The following EML4 variants were observed in gnomAD, a reference collection of about 807,000 sequenced individuals.
EML4 encodes EMAP like 4, also known as echinoderm microtubule-associated protein-like 4.
A neutral mutation model predicts 129.0 loss-of-function variants in EML4; 72 were observed. The observed-to-expected ratio is 0.56, with a 90% CI of 0.46 to 0.68. The LOEUF is 0.68. Among genes scored for constraint, EML4 ranks in the 30% least tolerant of loss-of-function variants. The pLI is 0.00. For synonymous variants in EML4, 532 were observed against 405.0 expected (o/e 1.31, Z -3.77); for missense variants, 1,363 against 1,190.6 (o/e 1.14, Z -2.13).
At chr2:42,251,404 A>G (rs973402953) in intron 2 of EML4, among the ~76,000 whole-genome samples, 1 of 152,250 alleles carries the variant, frequency 6.6e-6, no homozygotes, top group Non-Finnish European at 1.5e-5. Context: ...ATTACTGTTT[A>G]CAGAGTGCCA....
At chr2:42,182,060 C>T (rs968337455) in intron 1 of EML4, among the ~76,000 whole-genome samples, 1 of 150,204 alleles carries the variant, frequency 6.7e-6, no homozygotes, top group African/African-American at 2.4e-5. Context: ...TTCCATTATG[C>T]TTAATGTATT....
chr2:42,272,419 C>T (rs1317599869), intron 6 of EML4, among the ~76,000 whole-genome samples: 1 of 152,060 alleles, frequency 6.6e-6, no homozygotes, highest in African/African-American at 2.4e-5. Context: ...ATAGTGAGCA[C>T]CTGTATACTG....
intron 19 of EML4, among the ~76,000 whole-genome samples, chr2:42,322,754 C>T (rs1669585818): frequency 6.6e-6 from 1 of 152,172 alleles, no homozygotes; most frequent in Non-Finnish European, 1.5e-5. Flanking sequence ...CTAAGCTGTG[C>T]ATACACTTTG....
intron 1 of EML4, among the ~76,000 whole-genome samples, chr2:42,207,249 A>G (rs751102570): frequency 3.9e-5 from 6 of 152,224 alleles, no homozygotes; most frequent in African/African-American, 7.2e-5. Flanking sequence ...TTATAAATGT[A>G]TATCTTTTAC....
At position 42,309,447 on chromosome 2, in the gene EML4, AT is replaced by A. The variant is rs1553393057; in HGVS notation, c.1967+4909del. Among the ~76,000 whole-genome samples, 219 of 142,540 alleles carry A rather than the reference AT, an allele frequency of 1.5e-3. 1 individual carries two copies. The highest frequency in any genetic ancestry group is 3.7e-3 in the African/African-American group (143 of 39,062). The allele number at this position is 142,540 out of a possible 152,430, so 93.5% of individuals were successfully genotyped here. On this transcript the variant is annotated intron_variant, in intron 17 of 22. Coordinates refer to ENST00000318522, the MANE Select transcript of EML4 (RefSeq NM_019063.5). Reference sequence around the variant, plus strand: ...CAACCACCACAAAAAAAAAAAAAAAATTTTTTTTTTTTTGTTTAGGAACTAC... The same window carrying A: ...CAACCACCACAAAAAAAAAAAAAAAATTTTTTTTTTTTGTTTAGGAACTAC...
intron 1 of EML4, among the ~76,000 whole-genome samples, chr2:42,186,334 A>G (rs1445613949): frequency 2.0e-5 from 3 of 151,668 alleles, no homozygotes; most frequent in Admixed American, 6.6e-5. Flanking sequence ...GAAAGTCTTT[A>G]TACTTGAAAA....
intron 10 of EML4, 83 bp from the exon 11 acceptor site, chr2:42,288,144 A>T (rs1007516448): frequency 1.7e-6 from 1 of 589,172 alleles, no homozygotes; most frequent in Non-Finnish European, 3.0e-6. Flanking sequence ...TACTATTTGC[A>T]GTTTTAATAA....
chr2:42,233,187 G>A (rs765318657), intron 1 of EML4, among the ~76,000 whole-genome samples: 1 of 152,124 alleles, frequency 6.6e-6, no homozygotes, highest in African/African-American at 2.4e-5. Context: ...TTTGGTGCAT[G>A]TGTGTTTATA....
chr2:42,284,542 T>A (rs1409766133), intron 8 of EML4, 92 bp from the exon 9 acceptor site: 2 of 774,968 alleles, frequency 2.6e-6, no homozygotes, highest in African/African-American at 3.6e-5. Context: ...TTTTAACGAT[T>A]AAAAACTGCT....
chr2:42,235,287 C>T (rs1674593356), intron 1 of EML4, among the ~76,000 whole-genome samples: 2 of 150,480 alleles, frequency 1.3e-5, no homozygotes, highest in Non-Finnish European at 3.0e-5. Flanking sequence ...AAGAGCGAAA[C>T]TCCATCTCAA....
At chr2:42,281,802 C>CT (rs1667026517) in intron 7 of EML4, among the ~76,000 whole-genome samples, 1 of 151,938 alleles carries the variant, frequency 6.6e-6, no homozygotes, top group South Asian at 2.1e-4. Context: ...ATTTTCACTT[C>CT]TTTTAGAACC....
At chr2:42,236,988 A>G (rs1414937479) in intron 1 of EML4, among the ~76,000 whole-genome samples, 1 of 152,110 alleles carries the variant, frequency 6.6e-6, no homozygotes, top group Non-Finnish European at 1.5e-5. Context: ...AGACTGGCAA[A>G]ACCTTTGACT....
intron 17 of EML4, among the ~76,000 whole-genome samples, chr2:42,307,190 G>T (rs1350077320): frequency 1.3e-5 from 2 of 152,192 alleles, no homozygotes; most frequent in Non-Finnish European, 2.9e-5. Flanking sequence ...AATTTGTAGG[G>T]AAAATTGTTC....
rs1421674389 is a variant in EML4, at chr2:42,264,714, A to T, written c.650A>T (p.Asp217Val). 6.9e-7 allele frequency: 1 copy of T among 1,443,104 alleles called. No individual in the cohort carries two copies. Among genetic ancestry groups the T allele is most frequent in the Non-Finnish European group, 9.7e-7 (1 of 1,035,942 alleles). 89.4% of individuals were successfully genotyped at this position (1,443,104 alleles called of 1,614,324 possible). The change falls in exon 6 of 23, where the codon GAT becomes GTT. Residue 217 changes from aspartate (D) to valine (V), a missense_variant. Asp to Val is a radical substitution (Grantham distance 152). Transcript: ENST00000318522. The stretch of plus-strand genomic sequence containing the variant: ...TTAAATTTCTTTTCTAGGCATAAAG[A>T]TGTCATCATCAACCAAGGTAAATTA... ...KVTKTADKHK[D>V]VIINQEGEYI...
intron 6 of EML4, among the ~76,000 whole-genome samples, chr2:42,269,996 A>G (rs756008666): frequency 3.3e-5 from 5 of 152,218 alleles, no homozygotes; most frequent in African/African-American, 1.2e-4. Context: ...TATGAGTTAG[A>G]TAACTCATAA....
At chr2:42,214,992 G>A (rs1673098896) in intron 1 of EML4, among the ~76,000 whole-genome samples, 1 of 152,178 alleles carries the variant, frequency 6.6e-6, no homozygotes, top group Non-Finnish European at 1.5e-5. Context: ...ACTACTGGTA[G>A]GCGTGTTTCA....
intron 1 of EML4, among the ~76,000 whole-genome samples, chr2:42,185,876 G>A (rs1180772765): frequency 6.6e-6 from 1 of 152,152 alleles, no homozygotes; most frequent in Non-Finnish European, 1.5e-5. Context: ...CCTGAAACAG[G>A]TCTTCCCTCT....
chr2:42,178,623 C>A (rs1670756184), intron 1 of EML4, among the ~76,000 whole-genome samples: 1 of 152,144 alleles, frequency 6.6e-6, no homozygotes, highest in Non-Finnish European at 1.5e-5. Flanking sequence ...CGTGAGAGAT[C>A]CCTGGGAGCC....
chr2:42,179,561 T>G (rs189801264), intron 1 of EML4, among the ~76,000 whole-genome samples: 3 of 152,302 alleles, frequency 2.0e-5, no homozygotes, highest in African/African-American at 7.2e-5. Context: ...CCATGATGTT[T>G]ATAGCTTATG....
Sources: allele counts gnomAD v4.1 joint callset (sites outside exome capture counted in the v4.1 genomes callset), GRCh38; gene constraint gnomAD v4.1.1; transcripts MANE v1.5; gene names NCBI Gene and HGNC (gene_info 2026-07-23, HGNC 2026-07-21).